The following MGAT4C variants were observed in gnomAD, a reference collection of about 807,000 sequenced individuals.
MGAT4C encodes alpha-1,3-mannosyl-glycoprotein 4-beta-N-acetylglucosaminyltransferase C.
A neutral mutation model predicts 40.1 loss-of-function variants in MGAT4C; 19 were observed. The observed-to-expected ratio is 0.47, with a 90% CI of 0.33 to 0.70. The LOEUF (loss-of-function observed/expected upper bound fraction) is 0.70. Ranked by LOEUF, MGAT4C falls within the 30% of genes least tolerant of loss-of-function variation. MGAT4C has a pLI of 0.02. For synonymous variants in MGAT4C, 181 were observed against 187.1 expected, an observed-to-expected ratio of 0.97 and a Z score of 0.27; for missense variants, 491 against 563.2, an observed-to-expected ratio of 0.87 and a Z score of 1.30.
At chr12:86,454,501 A>G (rs1957479198) in intron 2 of MGAT4C, among the ~76,000 whole-genome samples, 1 of 152,144 alleles carries the variant, frequency 6.6e-6, no homozygotes, top group South Asian at 2.1e-4. Flanking sequence ...TGCTGAGATT[A>G]CAAGCATGAG....
chr12:86,276,306 C>T (rs1347891943), intron 4 of MGAT4C, among the ~76,000 whole-genome samples: 1 of 151,932 alleles, frequency 6.6e-6, no homozygotes, highest in Non-Finnish European at 1.5e-5. Context: ...TATATGGTGT[C>T]TATATTTAAC....
intron 2 of MGAT4C, among the ~76,000 whole-genome samples, chr12:86,626,258 A>T (rs1053092226): frequency 6.6e-6 from 1 of 152,354 alleles, no homozygotes; most frequent in East Asian, 1.9e-4. Context: ...TACACAAAAG[A>T]GATGACTCTA....
chr12:86,035,041 G>A lies in MGAT4C; in HGVS notation c.-7+14633C>T, dbSNP rs968667199. 4.7e-5 allele frequency among the ~76,000 whole-genome samples: 7 copies of A among 149,922 alleles called. 1 individual carries two copies. Among genetic ancestry groups the A allele is most frequent in the Non-Finnish European group, 1.0e-4 (7 of 66,862 alleles). ...GCGAACAGTCCCACAATAAACATAC[G>A]TGTGCATGTGTCTTTATAGTACAGT... On this transcript the variant is annotated intron_variant, in intron 2 of 4. Coordinates refer to ENST00000611864, the MANE Select transcript of MGAT4C (RefSeq NM_001351288.2).
intron 2 of MGAT4C, among the ~76,000 whole-genome samples, chr12:86,514,501 A>G (rs950476683): frequency 6.6e-6 from 1 of 152,024 alleles, no homozygotes; most frequent in African/African-American, 2.4e-5. Flanking sequence ...TTCCCTTTTC[A>G]GTTTTTAGAG....
At chr12:86,576,813 T>G (rs1960578787) in intron 2 of MGAT4C, among the ~76,000 whole-genome samples, 1 of 151,842 alleles carries the variant, frequency 6.6e-6, no homozygotes, top group Admixed American at 6.6e-5. Context: ...TGAGTTTTCT[T>G]TACTTCCATA....
At chr12:86,090,671 TACCTCTAA>T (rs1473302484) in intron 1 of MGAT4C, among the ~76,000 whole-genome samples, 4 of 151,840 alleles carry the variant, frequency 2.6e-5, no homozygotes, top group Admixed American at 6.6e-5. Context: ...TGACCATATA[TACCTCTAA>T]ACAATGACAA....
chr12:86,262,044 T>C (rs1462230978), intron 4 of MGAT4C, among the ~76,000 whole-genome samples: 1 of 152,104 alleles, frequency 6.6e-6, no homozygotes, highest in Non-Finnish European at 1.5e-5. Flanking sequence ...ATTAGAACAC[T>C]AGGCATAAAT....
intron 2 of MGAT4C, among the ~76,000 whole-genome samples, chr12:86,681,342 T>C (rs953734067): frequency 6.6e-6 from 1 of 152,006 alleles, no homozygotes; most frequent in Non-Finnish European, 1.5e-5. Flanking sequence ...GACAATTACT[T>C]TATAGGCTAT....
chr12:86,561,699 C>T (rs1302266476), intron 2 of MGAT4C, among the ~76,000 whole-genome samples: 2 of 152,110 alleles, frequency 1.3e-5, no homozygotes, highest in African/African-American at 2.4e-5. Context: ...GGGACTTCAC[C>T]TTGTGATCCT....
At chr12:86,460,183 A>G (rs1200101657) in intron 2 of MGAT4C, among the ~76,000 whole-genome samples, 1 of 152,092 alleles carries the variant, frequency 6.6e-6, no homozygotes, top group Non-Finnish European at 1.5e-5. Flanking sequence ...CCCCATCTCT[A>G]ATGAAAACCT....
At chr12:86,774,341 G>T (rs11104077) in intron 1 of MGAT4C, among the ~76,000 whole-genome samples, 3,878 of 11,638 alleles carry the variant, frequency 0.33, 187 homozygotes, top group Non-Finnish European at 0.37. Context: ...CTTTCTTTCT[G>T]TCTCTCTCTC....
intron 1 of MGAT4C, among the ~76,000 whole-genome samples, chr12:86,078,467 G>A (rs1870196414): frequency 1.3e-5 from 2 of 152,198 alleles, no homozygotes; most frequent in Non-Finnish European, 2.9e-5. Flanking sequence ...ACTGCATGCA[G>A]GATAGGCAAA....
intron 1 of MGAT4C, among the ~76,000 whole-genome samples, chr12:86,069,903 T>C (rs572579636): frequency 1.1e-3 from 163 of 152,136 alleles, no homozygotes; most frequent in Admixed American, 1.6e-3. Context: ...GATAATCAAG[T>C]TTTTCTACAC....
chr12:86,027,325 T>C (rs1303317037), intron 2 of MGAT4C, among the ~76,000 whole-genome samples: 1 of 151,888 alleles, frequency 6.6e-6, no homozygotes, highest in Non-Finnish European at 1.5e-5. Flanking sequence ...GCATAAAGCA[T>C]TATTTAAAGA....
At chr12:86,816,522 C>T (rs1366232080) in intron 1 of MGAT4C, among the ~76,000 whole-genome samples, 1 of 151,528 alleles carries the variant, frequency 6.6e-6, no homozygotes, top group East Asian at 1.9e-4. Context: ...CCTAAACAAG[C>T]TTTAATATGA....
At position 86,367,794 on chromosome 12, in the gene MGAT4C, C is replaced by T. The variant is rs144652689; in HGVS notation, c.-119-33667G>A. ...CAGCCTAGGCGACAGAGCGAGACTC[C>T]GTCTCAAAAAAACAAACAAACAAAC... On this transcript the variant is annotated intron_variant, in intron 3 of 7. Transcript: ENST00000548651. 7.5e-3 allele frequency among the ~76,000 whole-genome samples: 1,143 copies of T among 151,458 alleles called. 22 individuals are homozygous for T. The highest frequency in any genetic ancestry group is 0.048 in the East Asian group (245 of 5,150).
intron 2 of MGAT4C, among the ~76,000 whole-genome samples, chr12:86,563,005 G>A (rs1418543315): frequency 1.3e-5 from 2 of 152,096 alleles, no homozygotes; most frequent in African/African-American, 4.8e-5. Context: ...TACAGTAGAG[G>A]GAGGGATCCA....
intron 2 of MGAT4C, among the ~76,000 whole-genome samples, chr12:86,577,215 T>C (rs1468730092): frequency 6.6e-6 from 1 of 151,848 alleles, no homozygotes; most frequent in Non-Finnish European, 1.5e-5. Flanking sequence ...GTGTAGTCTT[T>C]AGTTTTTTCC....
chr12:85,995,810 T>C (rs180767149), intron 2 of MGAT4C, among the ~76,000 whole-genome samples: 8 of 152,180 alleles, frequency 5.3e-5, no homozygotes, highest in African/African-American at 1.9e-4. Flanking sequence ...CAAGCCTGCA[T>C]GCAGTGAGCT....
Sources: gnomAD v4.1 joint callset for allele counts (sites outside exome capture counted in the v4.1 genomes callset) on GRCh38, gnomAD v4.1.1 for gene constraint, MANE v1.5 for transcripts, NCBI Gene and HGNC (gene_info 2026-07-23, HGNC 2026-07-21) for gene names.